GRIN2D: variants seen among roughly 807,000 people sequenced by gnomAD.
GRIN2D encodes glutamate ionotropic receptor NMDA type subunit 2D.
In GRIN2D, 37 loss-of-function variants were observed where a neutral mutation model predicts 103.2. The observed-to-expected ratio is 0.36, with a 90% CI of 0.28 to 0.47. The LOEUF (loss-of-function observed/expected upper bound fraction) is 0.47. Ranked by LOEUF, GRIN2D falls within the 20% of genes least tolerant of loss-of-function variation. The probability of loss-of-function intolerance (pLI) is 1.00; values close to 1 mark genes in which losing one functional copy is unlikely to be tolerated. For synonymous variants in GRIN2D, 845 were observed against 885.6 expected (o/e 0.95, Z 0.81); for missense variants, 1,557 against 1,910.6 (o/e 0.81, Z 3.45).
chr19:48,423,071 C>T (rs1441748237), intron 11 of GRIN2D, among the ~76,000 whole-genome samples: 2 of 152,032 alleles, frequency 1.3e-5, no homozygotes, highest in African/African-American at 2.4e-5. Context: ...ATTAGCCGGG[C>T]GTGGTGGCGG....
intron 3 of GRIN2D, among the ~76,000 whole-genome samples, chr19:48,404,493 AAAAAAAC>A (rs1183575880): frequency 1.3e-5 from 2 of 152,076 alleles, no homozygotes; most frequent in East Asian, 3.9e-4. Flanking sequence ...ATTCTGTCTC[AAAAAAAC>A]AAAAAACAAA....
chr19:48,411,944 CTA>C (rs1035650142), intron 4 of GRIN2D, among the ~76,000 whole-genome samples: 1 of 151,724 alleles, frequency 6.6e-6, no homozygotes, highest in African/African-American at 2.4e-5. Context: ...TGTAATCCCA[CTA>C]TGTTGGGAGG....
At chr19:48,401,074 C>A (rs1970705207) in intron 3 of GRIN2D, among the ~76,000 whole-genome samples, 1 of 127,964 alleles carries the variant, frequency 7.8e-6, no homozygotes, top group South Asian at 2.7e-4. Context: ...CAGAGTGAGA[C>A]TGTTCTCAAA....
chr19:48,433,644 G>A (rs923440543), intron 11 of GRIN2D, among the ~76,000 whole-genome samples: 3 of 152,194 alleles, frequency 2.0e-5, no homozygotes, highest in African/African-American at 7.2e-5. Context: ...AGTTCTTGGT[G>A]CCCTTTCCAT....
Position 48,443,301 on chromosome 19 carries a change from G to A in GRIN2D, c.3375G>A (p.Ser1125=). The A allele has an allele frequency of 1.3e-6, 2 of 1,540,730 alleles. No individual in the cohort carries two copies. The highest frequency in any genetic ancestry group is 2.6e-5 in the East Asian group (1 of 37,818). Residue 1125 remains serine, a synonymous_variant, in exon 14 of 14, where the codon TCG becomes TCA. Coordinates refer to ENST00000263269, the MANE Select transcript of GRIN2D (RefSeq NM_000836.4). This position sits in a 1 kb window ranked among gnomAD's most constrained non-coding sequence, Gnocchi z 8.9. The part of the protein sequence containing the change: ...SEDSESLGGA[S]LGGLEPWWFA... Reference sequence around the variant, plus strand: ...ACTCGGAGAGCCTGGGCGGCGCGTCGCTGGGCGGCCTGGAGCCCTGGTGGT... The same window carrying A: ...ACTCGGAGAGCCTGGGCGGCGCGTCACTGGGCGGCCTGGAGCCCTGGTGGT...
At chr19:48,400,571 C>T (rs926376806) in intron 3 of GRIN2D, among the ~76,000 whole-genome samples, 1 of 152,218 alleles carries the variant, frequency 6.6e-6, no homozygotes, top group African/African-American at 2.4e-5. Flanking sequence ...GTGGTCCTCT[C>T]TGTTTCATTG....
At chr19:48,435,325 T>A (rs1971216322) in intron 11 of GRIN2D, among the ~76,000 whole-genome samples, 2 of 119,284 alleles carry the variant, frequency 1.7e-5, no homozygotes, top group African/African-American at 6.5e-5. Context: ...TGAGACGGAG[T>A]CTTGCTCTTG....
intron 2 of GRIN2D, among the ~76,000 whole-genome samples, chr19:48,398,063 T>A (rs1310488897): frequency 4.1e-5 from 6 of 146,378 alleles, no homozygotes; most frequent in Non-Finnish European, 9.1e-5. Flanking sequence ...CTGTCTCTCC[T>A]CCATCTCTCT....
chr19:48,437,042 G>C (rs1219943527), intron 11 of GRIN2D, among the ~76,000 whole-genome samples: 1 of 152,176 alleles, frequency 6.6e-6, no homozygotes, highest in African/African-American at 2.4e-5. Context: ...AAGAAAGAAA[G>C]GACGGATGCA....
chr19:48,415,009 G>A lies in GRIN2D; in HGVS notation c.1558G>A (p.Val520Ile), dbSNP rs761726968. 3.8e-5 allele frequency: 61 copies of A among 1,599,106 alleles called. No homozygotes were observed. Among genetic ancestry groups the A allele is most frequent in the Non-Finnish European group, 4.8e-5 (56 of 1,169,756 alleles). Residue 520 changes from valine (V) to isoleucine (I), a missense_variant, in exon 7 of 14, where the codon GTC becomes ATC. Physicochemically the swap from Val to Ile is conservative, Grantham distance 29. This residue lies in a region of GRIN2D where 197 missense variants were observed against 334.1 expected (regional missense o/e 0.59). Transcript: ENST00000263269. ...CAAGCACGGAAAGAAGATCGATGGCGTCTGGAACGGCATGATCGGGGAGGT... is the reference window on the plus strand; with the variant it reads ...CAAGCACGGAAAGAAGATCGATGGCATCTGGAACGGCATGATCGGGGAGGT... Reference protein sequence around the residue: ...NGKHGKKIDGVWNGMIGEVFY... With the variant: ...NGKHGKKIDGIWNGMIGEVFY...
chr19:48,417,936 G>C (rs897283673), intron 8 of GRIN2D, among the ~76,000 whole-genome samples: 5 of 152,268 alleles, frequency 3.3e-5, no homozygotes, highest in Admixed American at 6.5e-5. Context: ...CACATGAATG[G>C]GAGGTTGTCT....
At position 48,414,173 on chromosome 19, in the gene GRIN2D, GC is replaced by G; in HGVS notation, c.1200+69del. 9.6e-7 allele frequency: 1 copy of G among 1,043,212 alleles called. No homozygotes were observed. 64.6% of individuals were successfully genotyped at this position (1,043,212 alleles called of 1,614,324 possible). A position where few individuals can be genotyped will look rare whatever the true frequency, so the allele number is the denominator to read the frequency against. ...ACTCCTGCATCCTGGCAGAGGGGGG[GC>G]TTGAGGTCGTGGACTAAGAGGGAGG... On this transcript the variant is annotated intron_variant, in intron 5 of 13. Coordinates refer to ENST00000263269, the MANE Select transcript of GRIN2D (RefSeq NM_000836.4). This position sits in a 1 kb window ranked among gnomAD's most constrained non-coding sequence, Gnocchi z 4.6.
At chr19:48,417,941 T>C (rs1970968050) in intron 8 of GRIN2D, among the ~76,000 whole-genome samples, 2 of 151,666 alleles carry the variant, frequency 1.3e-5, no homozygotes, top group African/African-American at 4.8e-5. Flanking sequence ...GAATGGGAGG[T>C]TGTCTAATGG....
chr19:48,414,798 C>T lies in GRIN2D; in HGVS notation c.1413-66C>T. 1.3e-6 allele frequency: 2 copies of T among 1,511,736 alleles called. No individual in the cohort carries two copies. Among genetic ancestry groups the T allele is most frequent in the Non-Finnish European group, 1.8e-6 (2 of 1,101,658 alleles). 93.6% of individuals were successfully genotyped at this position (1,511,736 alleles called of 1,614,324 possible). On this transcript the variant is annotated intron_variant, in intron 6 of 13. Coordinates refer to ENST00000263269, the MANE Select transcript of GRIN2D (RefSeq NM_000836.4). This position sits in a 1 kb window ranked among gnomAD's most constrained non-coding sequence, Gnocchi z 4.6. ...CTGCCGCCTATCCCTTCCTCCATATCCTCTCTTCATGAGAGAGTCTAAGGA... is the reference window on the plus strand; with the variant it reads ...CTGCCGCCTATCCCTTCCTCCATATTCTCTCTTCATGAGAGAGTCTAAGGA...
intron 4 of GRIN2D, among the ~76,000 whole-genome samples, chr19:48,411,188 G>A (rs770309982): frequency 2.2e-4 from 34 of 151,882 alleles, no homozygotes; most frequent in Non-Finnish European, 4.1e-4. Context: ...TGGGCATGGC[G>A]GTGCACATTT....
In GRIN2D at chr19:48,414,628, C is replaced by T. The variant is rs2147451255; in HGVS notation, c.1412+44C>T. The T allele has an allele frequency of 6.6e-7, 1 of 1,515,744 alleles. No homozygotes were observed. The highest frequency in any genetic ancestry group is 2.5e-5 in the East Asian group (1 of 40,778). The allele number at this position is 1,515,744 out of a possible 1,614,324, so 93.9% of individuals were successfully genotyped here. A position where few individuals can be genotyped will look rare whatever the true frequency, so the allele number is the denominator to read the frequency against. ...GGAGTTCCGGCTCCAAAACCCGCCT[C>T]CCGTGAAGCCCAGTAGTCTGGGCCC... On this transcript the variant is annotated intron_variant, in intron 6 of 13. Coordinates refer to ENST00000263269, the MANE Select transcript of GRIN2D (RefSeq NM_000836.4). This position sits in a 1 kb window ranked among gnomAD's most constrained non-coding sequence, Gnocchi z 4.6.
At chr19:48,396,279 C>G (rs978666296) in intron 2 of GRIN2D, among the ~76,000 whole-genome samples, 7 of 151,940 alleles carry the variant, frequency 4.6e-5, no homozygotes, top group Admixed American at 6.6e-5. Context: ...GGGGATGCCC[C>G]TCCTCAGGCC....
chr19:48,404,818 T>C lies in GRIN2D; in HGVS notation c.550T>C (p.Trp184Arg). The C allele has an allele frequency of 6.2e-7, 1 of 1,614,194 alleles. No homozygotes were observed. The highest frequency in any genetic ancestry group is 8.5e-7 in the Non-Finnish European group (1 of 1,180,026). Residue 184 changes from tryptophan (W) to arginine (R), a missense_variant, in exon 4 of 14, where the codon TGG becomes CGG. Coordinates refer to ENST00000263269, the MANE Select transcript of GRIN2D (RefSeq NM_000836.4). ...VIFEVLEEYD[W>R]TSFVAVTTRA... Reference sequence around the variant, plus strand: ...CTTTGAGGTGCTGGAGGAGTATGACTGGACGTCCTTTGTAGCCGTGACCAC... The same window carrying C: ...CTTTGAGGTGCTGGAGGAGTATGACCGGACGTCCTTTGTAGCCGTGACCAC...
In GRIN2D at chr19:48,414,026, A is replaced by G. The variant is rs1970910586; in HGVS notation, c.1121A>G (p.Tyr374Cys). Reference sequence around the variant, plus strand: ...AACATCACGTGGGATAACCGGGATTACTCCTTCAATGAGGACGGCTTCCTA... The same window carrying G: ...AACATCACGTGGGATAACCGGGATTGCTCCTTCAATGAGGACGGCTTCCTA... ...FMNITWDNRD[Y>C]SFNEDGFLVN... The change falls in exon 5 of 14, where the codon TAC (tyrosine) becomes TGC (cysteine). Residue 374 changes from tyrosine (Y) to cysteine (C), a missense_variant. Physicochemically the swap from Tyr to Cys is radical, Grantham distance 194. Coordinates refer to ENST00000263269, the MANE Select transcript of GRIN2D (RefSeq NM_000836.4). This position sits in a 1 kb window ranked among gnomAD's most constrained non-coding sequence, Gnocchi z 4.6. 1 of 1,611,460 alleles carries G rather than the reference A, an allele frequency of 6.2e-7. No individual in the cohort carries two copies. The highest frequency in any genetic ancestry group is 1.1e-5 in the South Asian group (1 of 91,036).
Sources: allele counts gnomAD v4.1 joint callset (sites outside exome capture counted in the v4.1 genomes callset), GRCh38; gene constraint gnomAD v4.1.1; regional missense constraint gnomAD v4.1.1; non-coding constraint Gnocchi (gnomAD v3.1); transcripts MANE v1.5; gene names NCBI Gene and HGNC (gene_info 2026-07-23, HGNC 2026-07-21).